Variants in CPQ observed in about 807,000 individuals in gnomAD.
The protein encoded by CPQ is Ser-Met dipeptidase.
A neutral mutation model predicts 45.7 loss-of-function variants in CPQ; 37 were observed. The ratio of observed to expected loss-of-function variants is 0.81; its 90% CI spans 0.62 to 1.07. The LOEUF is 1.07. Ranked by LOEUF, CPQ falls within the 50% of genes least tolerant of loss-of-function variation. The pLI is 0.00. For missense variants in CPQ, 537 were observed against 572.9 expected, an observed-to-expected ratio of 0.94 and a Z score of 0.64; for synonymous variants, 186 against 205.8, an observed-to-expected ratio of 0.90 and a Z score of 0.82.
At chr8:96,680,870 G>T (rs796373365) in intron 1 of CPQ, among the ~76,000 whole-genome samples, 2 of 152,180 alleles carry the variant, frequency 1.3e-5, no homozygotes, top group Non-Finnish European at 2.9e-5. Flanking sequence ...TGAGGAACTT[G>T]TTGGGAACTG....
At chr8:96,872,942 A>C (rs927374621) in intron 3 of CPQ, among the ~76,000 whole-genome samples, 4 of 151,752 alleles carry the variant, frequency 2.6e-5, no homozygotes, top group African/African-American at 9.7e-5. Context: ...TTATATTTTT[A>C]TGTTTAAGAG....
intron 4 of CPQ, among the ~76,000 whole-genome samples, chr8:96,913,980 T>C (rs934149207): frequency 1.3e-5 from 2 of 152,222 alleles, no homozygotes; most frequent in Non-Finnish European, 2.9e-5. Context: ...CAAGCTTCTC[T>C]ACTTAATTGT....
intron 2 of CPQ, among the ~76,000 whole-genome samples, chr8:96,828,740 A>G (rs1434674906): frequency 1.3e-5 from 2 of 152,096 alleles, no homozygotes; most frequent in Non-Finnish European, 2.9e-5. Flanking sequence ...ATTAGAGAGA[A>G]AGCAACCACC....
At chr8:96,980,773 AC>A (rs1813879308) in intron 5 of CPQ, among the ~76,000 whole-genome samples, 1 of 151,918 alleles carries the variant, frequency 6.6e-6, no homozygotes, top group South Asian at 2.1e-4. Context: ...ACAAACCTTC[AC>A]CCCAGTGTAG....
At chr8:97,006,205 A>T (rs1188120311) in intron 5 of CPQ, among the ~76,000 whole-genome samples, 1 of 152,204 alleles carries the variant, frequency 6.6e-6, no homozygotes. Context: ...GGGTGAAAAC[A>T]GTTTTGAAAC....
chr8:96,866,223 C>T (rs1416651349), intron 3 of CPQ, among the ~76,000 whole-genome samples: 2 of 151,992 alleles, frequency 1.3e-5, no homozygotes, highest in Admixed American at 6.6e-5. Flanking sequence ...CTTTTTGTGG[C>T]CAGTCAACCT....
chr8:96,853,256 G>A (rs557148914), intron 3 of CPQ, among the ~76,000 whole-genome samples: 8 of 152,266 alleles, frequency 5.3e-5, no homozygotes, highest in African/African-American at 1.4e-4. Context: ...TTTTGGGGGC[G>A]CATATGAAAC....
intron 4 of CPQ, among the ~76,000 whole-genome samples, chr8:96,917,808 T>G (rs1219996121): frequency 6.6e-6 from 1 of 152,176 alleles, no homozygotes; most frequent in Non-Finnish European, 1.5e-5. Flanking sequence ...ATTCTAACTT[T>G]GTCCTCTTGC....
chr8:97,068,642 C>A (rs1810682734), intron 7 of CPQ, among the ~76,000 whole-genome samples: 1 of 152,098 alleles, frequency 6.6e-6, no homozygotes, highest in Non-Finnish European at 1.5e-5. Flanking sequence ...TGAAAACAAA[C>A]AAACAAACAA....
intron 1 of CPQ, among the ~76,000 whole-genome samples, chr8:96,698,128 A>C (rs1809409740): frequency 6.6e-6 from 1 of 152,104 alleles, no homozygotes; most frequent in Non-Finnish European, 1.5e-5. Flanking sequence ...TAACCAAAAC[A>C]GTATGGCACT....
At chr8:96,940,477 C>A (rs1331927389) in intron 4 of CPQ, among the ~76,000 whole-genome samples, 2 of 152,140 alleles carry the variant, frequency 1.3e-5, no homozygotes, top group Non-Finnish European at 2.9e-5. Flanking sequence ...TAGTTTTGTT[C>A]TTTCTTTCTT....
At chr8:97,099,115 C>CTCTCTCTTTTTTTTTTTTT (rs1554589610) in intron 7 of CPQ, among the ~76,000 whole-genome samples, 2 of 66,316 alleles carry the variant, frequency 3.0e-5, no homozygotes, top group Admixed American at 2.7e-4. Context: ...CCTTCTCTCT[C>CTCTCTCTTTTTTTTTTTTT]TTTTTTTTTT....
intron 1 of CPQ, among the ~76,000 whole-genome samples, chr8:96,711,326 C>G (rs1226108194): frequency 6.6e-6 from 1 of 152,066 alleles, no homozygotes; most frequent in African/African-American, 2.4e-5. Context: ...AATTTACATT[C>G]AATGTTAATA....
At chr8:97,139,608 C>T (rs1323002654) in intron 7 of CPQ, among the ~76,000 whole-genome samples, 3 of 151,900 alleles carry the variant, frequency 2.0e-5, no homozygotes, top group Non-Finnish European at 2.9e-5. Flanking sequence ...AAACTTCATA[C>T]TTTTGAAAAT....
At chr8:96,681,500 A>C (rs1227838791) in intron 1 of CPQ, among the ~76,000 whole-genome samples, 1 of 152,232 alleles carries the variant, frequency 6.6e-6, no homozygotes, top group Non-Finnish European at 1.5e-5. Flanking sequence ...CCTAGATTTC[A>C]GAGGATGTAT....
intron 1 of CPQ, among the ~76,000 whole-genome samples, chr8:96,742,168 G>A (rs1810102067): frequency 6.6e-6 from 1 of 150,986 alleles, no homozygotes; most frequent in African/African-American, 2.4e-5. Flanking sequence ...CCTGTATTGG[G>A]TGCATATATA....
intron 1 of CPQ, among the ~76,000 whole-genome samples, chr8:96,665,539 G>A (rs1161491109): frequency 2.6e-5 from 4 of 152,220 alleles, no homozygotes; most frequent in Admixed American, 2.0e-4. Context: ...TTTAGGGGAA[G>A]GTGATGAGTT....
At chr8:96,888,486 G>A (rs895093258) in intron 4 of CPQ, among the ~76,000 whole-genome samples, 2 of 152,198 alleles carry the variant, frequency 1.3e-5, no homozygotes, top group African/African-American at 4.8e-5. Flanking sequence ...TCTGTGTACT[G>A]TTAAATAGCA....
chr8:96,850,819 G>C (rs1811761557), intron 3 of CPQ, among the ~76,000 whole-genome samples: 1 of 151,962 alleles, frequency 6.6e-6, no homozygotes, highest in Non-Finnish European at 1.5e-5. Flanking sequence ...AAGTTGGTCA[G>C]GCTGGTCTGG....
Sources: allele counts gnomAD v4.1 joint callset (sites outside exome capture counted in the v4.1 genomes callset), GRCh38; gene constraint gnomAD v4.1.1; transcripts MANE v1.5; gene names NCBI Gene and HGNC (gene_info 2026-07-23, HGNC 2026-07-21).